RBP4: variants seen among roughly 807,000 people sequenced by gnomAD.
The protein encoded by RBP4 is retinol-binding protein 4.
RBP4 carries 9 observed loss-of-function variants against 26.2 expected under a neutral mutation model. The ratio of observed to expected loss-of-function variants is 0.34; its 90% CI spans 0.21 to 0.60. RBP4 has a LOEUF of 0.60. Among genes scored for constraint, RBP4 ranks in the 20% least tolerant of loss-of-function variants. The pLI is 0.80. For missense variants in RBP4, 244 were observed against 271.3 expected, an observed-to-expected ratio of 0.90 and a Z score of 0.71; for synonymous variants, 114 against 111.0, an observed-to-expected ratio of 1.03 and a Z score of -0.17.
chr10:93,594,697 G>A (rs1399780257), intron 4 of RBP4, among the ~76,000 whole-genome samples: 1 of 152,192 alleles, frequency 6.6e-6, no homozygotes, highest in Non-Finnish European at 1.5e-5. Context: ...CTCAGACCTT[G>A]TCCTCTTCAC....
intron 4 of RBP4, 82 bp from the exon 5 acceptor site, chr10:93,594,117 A>C: frequency 7.6e-7 from 1 of 1,309,144 alleles, no homozygotes; most frequent in South Asian, 1.2e-5. Flanking sequence ...ACCAGGCCTG[A>C]GAACACAGTG....
At chr10:93,597,393 C>T (rs2134571737) in intron 4 of RBP4, among the ~76,000 whole-genome samples, 2 of 152,332 alleles carry the variant, frequency 1.3e-5, no homozygotes, top group South Asian at 4.1e-4. Context: ...TTATTGAGCA[C>T]TTACTATGCA....
chr10:93,598,847 A>G (rs532171332), intron 4 of RBP4, among the ~76,000 whole-genome samples: 3 of 152,366 alleles, frequency 2.0e-5, no homozygotes, highest in East Asian at 3.9e-4. Context: ...GTAATCCATT[A>G]TCAGAAAAGT....
upstream of RBP4, chr10:93,601,469 C>A: frequency 1.1e-6 from 1 of 946,824 alleles, no homozygotes. Context: ...CCAAATGCGC[C>A]AGCGGCCCTG....
At chr10:93,598,868 CTAAA>C (rs2058317826) in intron 4 of RBP4, among the ~76,000 whole-genome samples, 2 of 152,156 alleles carry the variant, frequency 1.3e-5, no homozygotes, top group Non-Finnish European at 2.9e-5. Flanking sequence ...ATATTTTACT[CTAAA>C]TAAATCACTT....
At chr10:93,599,584 GC>G (rs1289056396) in intron 4 of RBP4, among the ~76,000 whole-genome samples, 9 of 152,148 alleles carry the variant, frequency 5.9e-5, no homozygotes, top group Non-Finnish European at 1.3e-4. Flanking sequence ...ATGTCCTTGG[GC>G]AAAGTTCTCT....
At chr10:93,598,792 C>T (rs990115605) in intron 4 of RBP4, among the ~76,000 whole-genome samples, 1 of 152,186 alleles carries the variant, frequency 6.6e-6, no homozygotes, top group South Asian at 2.1e-4. Flanking sequence ...TATGTGTTTC[C>T]TCTTTCTAAA....
At chr10:93,599,417 C>A (rs941790788) in intron 4 of RBP4, among the ~76,000 whole-genome samples, 3 of 152,150 alleles carry the variant, frequency 2.0e-5, no homozygotes, top group African/African-American at 7.2e-5. Flanking sequence ...CAGAGAGAGT[C>A]TCCCTGAACA....
chr10:93,599,895 C>T (rs1283434185), intron 4 of RBP4, among the ~76,000 whole-genome samples: 1 of 152,194 alleles, frequency 6.6e-6, no homozygotes, highest in East Asian at 1.9e-4. Flanking sequence ...GCACACTGTG[C>T]CTGGCTCAGA....
At chr10:93,597,700 A>G (rs1328347699) in intron 4 of RBP4, among the ~76,000 whole-genome samples, 3 of 152,214 alleles carry the variant, frequency 2.0e-5, no homozygotes, top group Non-Finnish European at 4.4e-5. Flanking sequence ...TAATTTTAAA[A>G]TAATTCGACA....
chr10:93,601,570 ACCTGG>A (rs1315497251), upstream of RBP4: 1 of 679,468 alleles, frequency 1.5e-6, no homozygotes, highest in East Asian at 2.8e-5. Context: ...GCTCGAGTCA[ACCTGG>A]CGGGAAGACC....
At chr10:93,594,886 T>G (rs1472476539) in intron 4 of RBP4, among the ~76,000 whole-genome samples, 6 of 152,196 alleles carry the variant, frequency 3.9e-5, no homozygotes, top group Non-Finnish European at 8.8e-5. Flanking sequence ...GTGCTTGTAA[T>G]CCCAGCACTT....
At chr10:93,594,103 C>CA in intron 4 of RBP4, 68 bp from the exon 5 acceptor site, 3 of 1,455,256 alleles carry the variant, frequency 2.1e-6, no homozygotes, top group Non-Finnish European at 2.9e-6. Context: ...CGGAGAAACT[C>CA]ACGACCAGGC....
rs794726862 is a variant in RBP4 at position 93,600,698 on chromosome 10, C to T, written c.217G>A (p.Ala73Thr). 6.2e-7 allele frequency: 1 copy of T among 1,610,624 alleles called. No individual in the cohort carries two copies. Among genetic ancestry groups the T allele is most frequent in the Non-Finnish European group, 8.5e-7 (1 of 1,178,664 alleles). ...FSVDETGQMS[A>T]TAKGRVRLLN... Reference sequence around the variant, plus strand: ...AGACGGACTCGGCCCTTGGCTGTGGCGCTCATCTGGCCGGTCTCGTCCACG... The same window carrying T: ...AGACGGACTCGGCCCTTGGCTGTGGTGCTCATCTGGCCGGTCTCGTCCACG... The change falls in exon 3 of 6, where the codon GCC becomes ACC. Residue 73 changes from alanine to threonine, a missense_variant. Physicochemically the swap from Ala to Thr is moderately conservative, Grantham distance 58. Coordinates refer to ENST00000371464, the MANE Select transcript of RBP4 (RefSeq NM_006744.4).
chr10:93,598,005 A>G (rs1363480970), intron 4 of RBP4, among the ~76,000 whole-genome samples: 1 of 152,264 alleles, frequency 6.6e-6, no homozygotes, highest in African/African-American at 2.4e-5. Flanking sequence ...CGAGATACTC[A>G]GAAAACAAAG....
upstream of RBP4, chr10:93,601,506 C>T (rs2058339584): frequency 2.8e-6 from 2 of 704,870 alleles, no homozygotes; most frequent in Non-Finnish European, 4.6e-6. Context: ...CTCGTGCCAG[C>T]GGCCGCCAGC....
intron 4 of RBP4, among the ~76,000 whole-genome samples, chr10:93,599,824 A>G (rs1456327871): frequency 1.3e-5 from 2 of 152,170 alleles, no homozygotes; most frequent in East Asian, 3.9e-4. Context: ...AGTCCTCAAC[A>G]TCACTCCCCT....
Position 93,591,942 on chromosome 10 carries a change from T to C in RBP4, c.*133A>G, listed in dbSNP as rs536910771. ...ATTCACTGACCCCCACGTGTATCTT[T>C]ATGTGTAATGAAGGTTTTATGGGAA... On this transcript the variant is annotated 3_prime_UTR_variant, in exon 6 of 6. Transcript: ENST00000371464. 1 of 790,048 alleles carries C rather than the reference T, an allele frequency of 1.3e-6. No individual in the cohort carries two copies. Among genetic ancestry groups the C allele is most frequent in the Admixed American group, 1.9e-5 (1 of 52,388 alleles). 48.9% of individuals were successfully genotyped at this position (790,048 alleles called of 1,614,324 possible).
At position 93,600,493 on chromosome 10, in the gene RBP4, C is replaced by T. The variant is rs2058329469; in HGVS notation, c.255G>A (p.Trp85Ter). The T allele has an allele frequency of 6.2e-7, 1 of 1,614,046 alleles. No individual in the cohort carries two copies. The highest frequency in any genetic ancestry group is 1.7e-5 in the Admixed American group (1 of 60,004). ...TGCCCACCATGTCTGCGCACACGTC[C>T]CAGTTACTGCAAAAGCCAAGGGGAT... ...AKGRVRLLNN[W>*]DVCADMVGTF... The change falls in exon 4 of 6, where the codon TGG (tryptophan) becomes TGA (stop). Residue 85 changes from tryptophan to a stop codon, truncating the protein, a stop_gained. Coordinates refer to ENST00000371464, the MANE Select transcript of RBP4 (RefSeq NM_006744.4). LOFTEE classifies it high-confidence loss of function.
Sources: allele counts gnomAD v4.1 joint callset (sites outside exome capture counted in the v4.1 genomes callset), GRCh38; gene constraint gnomAD v4.1.1; transcripts MANE v1.5; gene names NCBI Gene and HGNC (gene_info 2026-07-23, HGNC 2026-07-21).